CLIP4: variants seen among roughly 807,000 people sequenced by gnomAD.
CLIP4 encodes CAP-Gly domain containing linker protein family member 4, also known as CAP-Gly domain-containing linker protein 4.
Under a neutral mutation model 73.1 loss-of-function variants are expected in CLIP4, and 47 were observed. The observed-to-expected ratio is 0.64, with a 90% CI of 0.51 to 0.82. The LOEUF is 0.82. Ranked by LOEUF, CLIP4 falls within the 40% of genes least tolerant of loss-of-function variation. CLIP4 has a pLI of 0.00. For missense variants in CLIP4, 874 were observed against 852.9 expected (o/e 1.02, Z -0.31); for synonymous variants, 306 against 295.4 (o/e 1.04, Z -0.37).
intron 1 of CLIP4, among the ~76,000 whole-genome samples, chr2:29,107,532 C>T (rs530701001): frequency 2.4e-4 from 36 of 149,652 alleles, no homozygotes; most frequent in African/African-American, 3.7e-4. Flanking sequence ...CTACCATGCC[C>T]GGCTAATTTT....
chr2:29,182,705 C>T lies in CLIP4; in HGVS notation c.*812C>T, dbSNP rs1043481404. The T allele has an allele frequency of 1.3e-5, 2 of 152,584 alleles. No homozygotes were observed. The highest frequency in any genetic ancestry group is 2.9e-5 in the Non-Finnish European group (2 of 68,042). The allele number at this position is 152,584 out of a possible 1,614,324, so 9.5% of individuals were successfully genotyped here. A position where few individuals can be genotyped will look rare whatever the true frequency, so the allele number is the denominator to read the frequency against. On this transcript the variant is annotated 3_prime_UTR_variant, in exon 16 of 16. Transcript: ENST00000320081. ...AACCCATGATTAAGGTTTATGAATT[C>T]AAGTAATAATTAGATTTTTTTTGCA...
At chr2:29,145,457 G>C in intron 8 of CLIP4, 90 bp downstream of exon 8, 1 of 1,066,316 alleles carries the variant, frequency 9.4e-7, no homozygotes, top group South Asian at 1.8e-5. Context: ...CTTTTCTCCT[G>C]ATTTCTTATG....
At chr2:29,140,151 C>T (rs1665659015) in intron 6 of CLIP4, among the ~76,000 whole-genome samples, 1 of 151,804 alleles carries the variant, frequency 6.6e-6, no homozygotes, top group Non-Finnish European at 1.5e-5. Flanking sequence ...CATATGTATA[C>T]ATGTGCCATG....
At chr2:29,141,652 A>G (rs1465359089) in intron 6 of CLIP4, among the ~76,000 whole-genome samples, 2 of 151,866 alleles carry the variant, frequency 1.3e-5, no homozygotes, top group Non-Finnish European at 2.9e-5. Context: ...TTTGTTTTCC[A>G]TTTGCATGAT....
At chr2:29,098,346 C>T (rs544749512) in intron 1 of CLIP4, among the ~76,000 whole-genome samples, 3 of 152,284 alleles carry the variant, frequency 2.0e-5, no homozygotes, top group South Asian at 2.1e-4. Context: ...TCCACCCTTA[C>T]GGTATCATGC....
intron 11 of CLIP4, 154 bp downstream of exon 11, chr2:29,157,501 CT>C: frequency 9.0e-7 from 1 of 1,107,664 alleles, no homozygotes. Flanking sequence ...AACCTTAAGC[CT>C]TAAGGTCTCT....
intron 14 of CLIP4, among the ~76,000 whole-genome samples, chr2:29,174,119 C>G (rs1053447931): frequency 1.3e-5 from 2 of 150,556 alleles, no homozygotes; most frequent in Non-Finnish European, 2.9e-5. Context: ...TCTCTGCTTT[C>G]TTTTCTTTTT....
intron 15 of CLIP4, among the ~76,000 whole-genome samples, chr2:29,181,234 G>A (rs369374896): frequency 1.7e-4 from 26 of 152,212 alleles, no homozygotes; most frequent in African/African-American, 4.8e-4. Context: ...AAATAGAAGC[G>A]GATCATCATA....
At chr2:29,110,852 C>A (rs1668366663), upstream of CLIP4, among the ~76,000 whole-genome samples, 1 of 152,054 alleles carries the variant, frequency 6.6e-6, no homozygotes, top group Admixed American at 6.6e-5. Context: ...CCATGCCTGG[C>A]TAATTTTTGT....
At chr2:29,121,578 C>T (rs985920864) in intron 2 of CLIP4, 57 bp downstream of exon 2, 43 of 1,585,762 alleles carry the variant, frequency 2.7e-5, no homozygotes, top group Middle Eastern at 1.7e-4. Context: ...TTCTCTGTTA[C>T]GCCTTTTTTG....
chr2:29,167,773 C>G (rs141833077), intron 14 of CLIP4: 4 of 359,778 alleles, frequency 1.1e-5, no homozygotes, highest in Non-Finnish European at 2.0e-5. Context: ...CTTCATATAC[C>G]CCATCCTCAG....
intron 1 of CLIP4, among the ~76,000 whole-genome samples, chr2:29,098,522 G>A (rs139643245): frequency 5.3e-5 from 8 of 152,218 alleles, no homozygotes; most frequent in South Asian, 2.1e-4. Flanking sequence ...AGTTTTCTCC[G>A]TTTGTTCATG....
chr2:29,150,682 ACT>A (rs1666502635), intron 8 of CLIP4, among the ~76,000 whole-genome samples: 2 of 112,014 alleles, frequency 1.8e-5, no homozygotes, highest in African/African-American at 3.6e-5. Context: ...ACAGTCTCTC[ACT>A]CTGTTGCCCA....
At chr2:29,160,231 C>G in intron 11 of CLIP4, 102 bp from the exon 12 acceptor site, 2 of 1,382,804 alleles carry the variant, frequency 1.4e-6, no homozygotes. Context: ...AGTTAGAATA[C>G]CTAGTGTGAT....
intron 8 of CLIP4, among the ~76,000 whole-genome samples, chr2:29,147,757 C>T (rs1666269435): frequency 6.6e-6 from 1 of 152,114 alleles, no homozygotes; most frequent in Non-Finnish European, 1.5e-5. Flanking sequence ...TGTTGTTAAC[C>T]ATCTTCACCT....
At chr2:29,172,146 TTCTC>T (rs1489247855) in intron 14 of CLIP4, among the ~76,000 whole-genome samples, 1 of 152,110 alleles carries the variant, frequency 6.6e-6, no homozygotes, top group Non-Finnish European at 1.5e-5. Context: ...TTTTTATCCT[TTCTC>T]AATAATAGAA....
chr2:29,154,368 C>T lies in CLIP4; in HGVS notation c.1165+1540C>T, dbSNP rs1360229128. Among the ~76,000 whole-genome samples, 3 of 152,118 alleles carry T rather than the reference C, an allele frequency of 2.0e-5. No individual in the cohort carries two copies. The East Asian group carries it at 5.8e-4, about 29-fold the overall frequency. On this transcript the variant is annotated intron_variant, in intron 9 of 15. Coordinates refer to ENST00000320081, the MANE Select transcript of CLIP4 (RefSeq NM_024692.6). The stretch of plus-strand genomic sequence containing the variant: ...TTCTTTCCCTTGTTTCCCATCCAGT[C>T]CCCAGGCAGTCCTACGTGGTATGGA...
chr2:29,104,953 A>G (rs1668159101), intron 1 of CLIP4, among the ~76,000 whole-genome samples: 1 of 152,138 alleles, frequency 6.6e-6, no homozygotes, highest in Non-Finnish European at 1.5e-5. Flanking sequence ...GCTGGATGGG[A>G]CAGCACCGTA....
chr2:29,117,463 C>T (rs1663941025), intron 1 of CLIP4, among the ~76,000 whole-genome samples: 1 of 151,968 alleles, frequency 6.6e-6, no homozygotes, highest in Non-Finnish European at 1.5e-5. Context: ...TCTGCCTGAG[C>T]CTCTCGAGCA....
Sources: allele counts gnomAD v4.1 joint callset (sites outside exome capture counted in the v4.1 genomes callset), GRCh38; gene constraint gnomAD v4.1.1; transcripts MANE v1.5; gene names NCBI Gene and HGNC (gene_info 2026-07-23, HGNC 2026-07-21).